Variants in BAZ1A observed in about 807,000 individuals in gnomAD.
BAZ1A encodes bromodomain adjacent to zinc finger domain 1A.
In BAZ1A, 50 loss-of-function variants were observed where a neutral mutation model predicts 185.2. That is an observed-to-expected ratio of 0.27 (90% confidence interval 0.22 to 0.34). The LOEUF (loss-of-function observed/expected upper bound fraction) is 0.34, where lower values mean the gene tolerates loss of function less well. Among genes scored for constraint, BAZ1A ranks in the 10% least tolerant of loss-of-function variants. BAZ1A has a pLI of 1.00. For missense variants in BAZ1A, 1,356 were observed against 1,839.9 expected (o/e 0.74, Z 4.81); for synonymous variants, 571 against 615.6 (o/e 0.93, Z 1.07).
intron 3 of BAZ1A, 146 bp from the exon 4 acceptor site, chr14:34,826,302 A>G (rs1288976154): frequency 1.4e-6 from 1 of 701,330 alleles, no homozygotes; most frequent in Non-Finnish European, 2.2e-6. Flanking sequence ...TAAAAAGAAA[A>G]TCTGTAACAT....
chr14:34,864,105 G>A (rs1445824812), intron 2 of BAZ1A, among the ~76,000 whole-genome samples: 1 of 151,996 alleles, frequency 6.6e-6, no homozygotes, highest in African/African-American at 2.4e-5. Context: ...TTATAGGAAT[G>A]AGCCACCAGA....
rs113443010 is a variant in BAZ1A, at chr14:34,847,158, C to T, written c.392+14886G>A. ...CCCAGCTATTTGGGAGGCTGAGGCA[C>T]GAGAATGGCTTGAACCCAGGAGGTA... On this transcript the variant is annotated intron_variant, in intron 3 of 26. Coordinates refer to ENST00000360310, the MANE Select transcript of BAZ1A (RefSeq NM_013448.3). 5.6e-3 allele frequency among the ~76,000 whole-genome samples: 843 copies of T among 150,436 alleles called. 10 individuals are homozygous for T. Among genetic ancestry groups the T allele is most frequent in the African/African-American group, 0.02 (805 of 40,876 alleles).
chr14:34,845,201 T>C (rs1044764894), intron 3 of BAZ1A: 7 of 152,094 alleles, frequency 4.6e-5, no homozygotes, highest in Non-Finnish European at 1.0e-4. Flanking sequence ...TATTTTTTCA[T>C]ACTTTTACTA....
rs1014411887 is a variant in BAZ1A at position 34,875,241 on chromosome 14, C to T, written c.-162G>A. On this transcript the variant is annotated 5_prime_UTR_variant, in exon 1 of 27. Coordinates refer to ENST00000360310, the MANE Select transcript of BAZ1A (RefSeq NM_013448.3). ...CCGCCTCTCTCCGGCCCCGCCGCGC[C>T]CCTGGCTGCCGCTTCTCCCGCTGCC... 1.1e-5 allele frequency: 5 copies of T among 453,930 alleles called. No individual in the cohort carries two copies. Among genetic ancestry groups the T allele is most frequent in the Non-Finnish European group, 2.2e-5 (5 of 226,112 alleles). 28.1% of individuals were successfully genotyped at this position (453,930 alleles called of 1,614,324 possible). A position where few individuals can be genotyped will look rare whatever the true frequency, so the allele number is the denominator to read the frequency against.
chr14:34,764,578 T>C (rs921718068), intron 23 of BAZ1A, 129 bp downstream of exon 23: 2 of 1,277,294 alleles, frequency 1.6e-6, no homozygotes, highest in African/African-American at 3.0e-5. Context: ...AGGCATAAGC[T>C]ACCGTGTCCA....
At position 34,811,102 on chromosome 14, in the gene BAZ1A, C is replaced by T. The variant is rs2041924001; in HGVS notation, c.537-66G>A. The T allele has an allele frequency of 1.8e-5, 21 of 1,171,464 alleles. 1 individual carries two copies. The highest frequency in any genetic ancestry group is 2.2e-5 in the Non-Finnish European group (18 of 821,446). 72.6% of individuals were successfully genotyped at this position (1,171,464 alleles called of 1,614,324 possible). ...TGGAAAATGAAATTTTAAATGAAAA[C>T]CTAGTTTCTAAGAATATACTATAAT... On this transcript the variant is annotated intron_variant, in intron 4 of 26. Coordinates refer to ENST00000360310, the MANE Select transcript of BAZ1A (RefSeq NM_013448.3).
chr14:34,781,369 A>G (rs541900729), intron 16 of BAZ1A, among the ~76,000 whole-genome samples: 4 of 152,198 alleles, frequency 2.6e-5, no homozygotes, highest in African/African-American at 7.2e-5. Flanking sequence ...GAACACCTTC[A>G]TCATACCAAA....
At chr14:34,830,769 CTT>C (rs1296749026) in intron 3 of BAZ1A, among the ~76,000 whole-genome samples, 29 of 128,390 alleles carry the variant, frequency 2.3e-4, no homozygotes, top group Non-Finnish European at 3.2e-4. Flanking sequence ...TCTACAACTC[CTT>C]TTTTTTTTTT....
At chr14:34,854,636 C>CTTA (rs2042646995) in intron 3 of BAZ1A, among the ~76,000 whole-genome samples, 1 of 152,168 alleles carries the variant, frequency 6.6e-6, no homozygotes, top group African/African-American at 2.4e-5. Context: ...CATACATATA[C>CTTA]ATTTTCATTT....
intron 4 of BAZ1A, among the ~76,000 whole-genome samples, chr14:34,823,247 C>T (rs1294094249): frequency 6.6e-6 from 1 of 151,378 alleles, no homozygotes; most frequent in Non-Finnish European, 1.5e-5. Flanking sequence ...CTCAGCTACT[C>T]AGGACGCTAA....
chr14:34,810,006 C>T (rs1240734505), intron 5 of BAZ1A, among the ~76,000 whole-genome samples: 1 of 151,928 alleles, frequency 6.6e-6, no homozygotes, highest in East Asian at 1.9e-4. Context: ...ATGATGAGCC[C>T]CCCAAAACCA....
intron 12 of BAZ1A, among the ~76,000 whole-genome samples, chr14:34,791,218 T>C (rs1594844146): frequency 6.6e-6 from 1 of 152,202 alleles, no homozygotes; most frequent in Non-Finnish European, 1.5e-5. Flanking sequence ...TTTTCCTTTA[T>C]ACTGATTTTC....
At chr14:34,753,744 C>A (rs780996388) in intron 26 of BAZ1A, 40 bp from the exon 27 acceptor site, 71 of 1,414,168 alleles carry the variant, frequency 5.0e-5, no homozygotes, top group Admixed American at 9.6e-5. Context: ...AATGAAAGTA[C>A]ATAAATTATA....
chr14:34,776,357 A>G lies in BAZ1A; in HGVS notation c.2395T>C (p.Cys799Arg). Residue 799 changes from cysteine (C) to arginine (R), a missense_variant, in exon 18 of 27, where the codon TGT becomes CGT. Physicochemically the swap from Cys to Arg is radical, Grantham distance 180. Transcript: ENST00000360310. ...CGACCCAAGGGAAAGATATTGGTAC[A>G]GGCTATGGCACTTTGGATTTTTTCT... is the stretch of plus-strand genomic sequence containing the variant. Reference protein sequence around the residue: ...LLEKIQSAIACTNIFPLGRDR... With the variant: ...LLEKIQSAIARTNIFPLGRDR... The G allele has an allele frequency of 6.2e-7, 1 of 1,614,178 alleles. No homozygotes were observed. Among genetic ancestry groups the G allele is most frequent in the East Asian group, 2.2e-5 (1 of 44,888 alleles).
At chr14:34,844,781 A>ACACACACACACACACGCG (rs2042480701) in intron 3 of BAZ1A, among the ~76,000 whole-genome samples, 1 of 8,552 alleles carries the variant, frequency 1.2e-4, no homozygotes, top group Non-Finnish European at 1.3e-3. Flanking sequence ...ACACGCGCAC[A>ACACACACACACACACGCG]CACACACACA....
intron 3 of BAZ1A, among the ~76,000 whole-genome samples, chr14:34,839,973 T>A (rs537268451): frequency 6.6e-6 from 1 of 152,188 alleles, no homozygotes; most frequent in East Asian, 1.9e-4. Flanking sequence ...TTAGGCAAAT[T>A]CTATAAAACT....
At chr14:34,847,542 T>A (rs2138779796) in intron 3 of BAZ1A, among the ~76,000 whole-genome samples, 1 of 152,346 alleles carries the variant, frequency 6.6e-6, no homozygotes. Context: ...TTTTTCTTCA[T>A]ATTTCTACTC....
intron 4 of BAZ1A, among the ~76,000 whole-genome samples, chr14:34,811,577 T>C (rs896032633): frequency 9.2e-5 from 14 of 152,076 alleles, no homozygotes; most frequent in African/African-American, 3.4e-4. Context: ...CCTCCTACCT[T>C]GGCGTCCCAA....
At chr14:34,779,050 G>A (rs895732894) in intron 17 of BAZ1A, among the ~76,000 whole-genome samples, 3 of 151,938 alleles carry the variant, frequency 2.0e-5, no homozygotes, top group African/African-American at 7.3e-5. Flanking sequence ...TGGCGATGGG[G>A]TTTCACCAAG....
Sources: gnomAD v4.1 joint callset for allele counts (sites outside exome capture counted in the v4.1 genomes callset) on GRCh38, gnomAD v4.1.1 for gene constraint, MANE v1.5 for transcripts, NCBI Gene and HGNC (gene_info 2026-07-23, HGNC 2026-07-21) for gene names.